ANXA2: variants seen among roughly 807,000 people sequenced by gnomAD.
ANXA2 encodes annexin II.
A neutral mutation model predicts 47.3 loss-of-function variants in ANXA2; 28 were observed. The observed-to-expected ratio is 0.59, with a 90% CI of 0.44 to 0.81. The LOEUF (loss-of-function observed/expected upper bound fraction) is 0.81, where lower values mean the gene tolerates loss of function less well. Ranked by LOEUF, ANXA2 falls within the 40% of genes least tolerant of loss-of-function variation. The pLI, the probability that ANXA2 is intolerant of heterozygous loss-of-function variation, is 0.00. For missense variants in ANXA2, 384 were observed against 414.3 expected, an observed-to-expected ratio of 0.93 and a Z score of 0.64; for synonymous variants, 172 against 155.5, an observed-to-expected ratio of 1.11 and a Z score of -0.79.
At chr15:60,382,233 C>T (rs533776288) in intron 3 of ANXA2, 109 bp downstream of exon 3, 55 of 776,162 alleles carry the variant, frequency 7.1e-5, no homozygotes, top group East Asian at 6.5e-4. Context: ...CATTAAAGCT[C>T]GATGACAATT....
chr15:60,353,877 A>C (rs575889931), intron 8 of ANXA2, among the ~76,000 whole-genome samples: 2 of 152,290 alleles, frequency 1.3e-5, no homozygotes, highest in South Asian at 4.1e-4. Context: ...TGTGAAGTGC[A>C]CCATCTTGGA....
In ANXA2 at chr15:60,352,346, C is replaced by A. The variant is rs763372364; in HGVS notation, c.682+37G>T. ...ATCCACCCAGCCGCCCCAGCCAGGG[C>A]CCCAAGGCACTGAGACTCCCTCAGC... On this transcript the variant is annotated intron_variant, in intron 9 of 12. Transcript: ENST00000451270. The surrounding 1 kb of genome is among the most constrained non-coding windows in gnomAD (Gnocchi z 4.2). The A allele has an allele frequency of 4.9e-5, 73 of 1,503,686 alleles. No homozygotes were observed. Among genetic ancestry groups the A allele is most frequent in the Admixed American group, 1.2e-4 (7 of 56,932 alleles). The allele number at this position is 1,503,686 out of a possible 1,614,324, so 93.1% of individuals were successfully genotyped here.
chr15:60,381,686 C>T (rs1192977077), intron 3 of ANXA2, among the ~76,000 whole-genome samples: 1 of 152,048 alleles, frequency 6.6e-6, no homozygotes, highest in African/African-American at 2.4e-5. Flanking sequence ...GCCTAAGGAG[C>T]AGCAGAACTT....
chr15:60,384,190 G>T (rs945629804), intron 2 of ANXA2: 9 of 152,216 alleles, frequency 5.9e-5, no homozygotes, highest in South Asian at 2.1e-4. Flanking sequence ...AAATGTGGAT[G>T]AAATCTAAGG....
At chr15:60,370,916 G>C (rs74871539) in intron 3 of ANXA2, among the ~76,000 whole-genome samples, 3,644 of 152,286 alleles carry the variant, frequency 0.024, 69 homozygotes, top group East Asian at 0.079. Flanking sequence ...TGTCTGATAT[G>C]AGTGATCACA....
intron 1 of ANXA2, chr15:60,393,347 A>G (rs2063039686): frequency 1.0e-6 from 1 of 1,001,304 alleles, no homozygotes; most frequent in African/African-American, 1.7e-5. Context: ...GGCATGAAGC[A>G]CTTTCAGGGT....
At chr15:60,382,515 T>C in intron 2 of ANXA2, 74 bp from the exon 3 acceptor site, 2 of 1,068,104 alleles carry the variant, frequency 1.9e-6, no homozygotes, top group Non-Finnish European at 1.4e-6. Context: ...ATGCCTAATA[T>C]GTTTTCCTAT....
chr15:60,366,716 G>T (rs1452888980), intron 3 of ANXA2, among the ~76,000 whole-genome samples: 2 of 138,324 alleles, frequency 1.4e-5, no homozygotes, highest in Non-Finnish European at 3.2e-5. Flanking sequence ...CCCCGTCCGG[G>T]AGGTGAGGGG....
rs1162587027 is a variant in ANXA2, at chr15:60,352,429, C to G, written c.636G>C (p.Lys212Asn). The G allele has an allele frequency of 9.9e-6, 16 of 1,613,746 alleles. 1 individual carries two copies. Among genetic ancestry groups the G allele is most frequent in the East Asian group, 8.9e-5 (4 of 44,876 alleles). Residue 212 changes from lysine (K) to asparagine (N), a missense_variant, in exon 9 of 13, where the codon AAG (lysine) becomes AAC (asparagine). By Grantham distance (94) the Lys-to-Asn change is moderately conservative (BLOSUM62 0). Transcript: ENST00000451270. The surrounding 1 kb of genome is among the most constrained non-coding windows in gnomAD (Gnocchi z 4.2). ...GVKRKGTDVP[K>N]WISIMTERSV... ...TCCGCTCGGTCATGATGCTGATCCACTTGGGAACATCAGTTCCTTTCCTCT... is the reference window on the plus strand; with the variant it reads ...TCCGCTCGGTCATGATGCTGATCCAGTTGGGAACATCAGTTCCTTTCCTCT...
At chr15:60,384,570 A>T (rs2062907833) in intron 2 of ANXA2, 1 of 152,248 alleles carries the variant, frequency 6.6e-6, no homozygotes, top group African/African-American at 2.4e-5. Context: ...ATAAAACCTG[A>T]TAGCAAATAC....
chr15:60,348,694 G>A (rs537788293), intron 12 of ANXA2, among the ~76,000 whole-genome samples: 4 of 149,792 alleles, frequency 2.7e-5, no homozygotes, highest in Admixed American at 1.3e-4. Context: ...GCAGTGAGCC[G>A]AGATTGTGGC....
chr15:60,354,913 TGCGG>T (rs1195262114), intron 7 of ANXA2, among the ~76,000 whole-genome samples: 7 of 152,154 alleles, frequency 4.6e-5, no homozygotes, highest in South Asian at 4.1e-4. Context: ...AGACACAAAA[TGCGG>T]GCGGAGGAAG....
rs1595672738 is a variant in ANXA2, at chr15:60,360,787, A to C, written c.357+154T>G. The C allele has an allele frequency of 2.8e-5, 17 of 612,448 alleles. No homozygotes were observed. The East Asian group carries it at 4.5e-4, about 16-fold the overall frequency. The allele number at this position is 612,448 out of a possible 1,614,324, so 37.9% of individuals were successfully genotyped here. ...AACAAGTAATTGAAATATTTTTGGT[A>C]CAAATCCTGAGACATATAACTTCAG... On this transcript the variant is annotated intron_variant, in intron 5 of 12. Coordinates refer to ENST00000451270, the MANE Select transcript of ANXA2 (RefSeq NM_004039.3).
intron 3 of ANXA2, among the ~76,000 whole-genome samples, chr15:60,372,604 T>C (rs1472080706): frequency 2.6e-5 from 4 of 152,106 alleles, no homozygotes. Context: ...TTGTAGATTT[T>C]GGTCCAGTAG....
chr15:60,351,931 A>T (rs2062356028), intron 9 of ANXA2, 112 bp from the exon 10 acceptor site: 1 of 760,868 alleles, frequency 1.3e-6, no homozygotes. Context: ...GGATGATCAC[A>T]GCATCCTAGG....
intron 4 of ANXA2, among the ~76,000 whole-genome samples, chr15:60,361,862 G>T (rs1375359424): frequency 6.6e-6 from 1 of 151,624 alleles, no homozygotes; most frequent in Non-Finnish European, 1.5e-5. Flanking sequence ...ACAAATCATG[G>T]CTGATGACTG....
intron 3 of ANXA2, among the ~76,000 whole-genome samples, chr15:60,379,817 C>A (rs918849964): frequency 2.6e-5 from 4 of 152,190 alleles, no homozygotes. Context: ...GCCCTCCAGA[C>A]GTTTCTGTCT....
At chr15:60,369,256 C>G (rs1246761147) in intron 3 of ANXA2, among the ~76,000 whole-genome samples, 3 of 152,232 alleles carry the variant, frequency 2.0e-5, no homozygotes, top group Non-Finnish European at 4.4e-5. Context: ...GCCTGGGCTG[C>G]TGTGCATTCA....
intron 3 of ANXA2, among the ~76,000 whole-genome samples, chr15:60,372,692 C>CTT (rs574095449): frequency 1.4e-4 from 18 of 132,740 alleles, no homozygotes; most frequent in Non-Finnish European, 2.0e-4. Flanking sequence ...ACAATCTTTC[C>CTT]TTTTTTTTTT....
Sources: allele counts gnomAD v4.1 joint callset (sites outside exome capture counted in the v4.1 genomes callset), GRCh38; gene constraint gnomAD v4.1.1; non-coding constraint Gnocchi (gnomAD v3.1); transcripts MANE v1.5; gene names NCBI Gene and HGNC (gene_info 2026-07-23, HGNC 2026-07-21).